Variants in CSNK1A1 observed in about 807,000 individuals in gnomAD.
The protein encoded by CSNK1A1 is casein kinase I isoform alpha.
In CSNK1A1, 7 loss-of-function variants were observed where a neutral mutation model predicts 46.1. That is an observed-to-expected ratio of 0.15 (90% confidence interval 0.09 to 0.29). The LOEUF is 0.29. CSNK1A1 is among the 10% of genes least tolerant of loss of function. CSNK1A1 has a pLI of 1.00. For synonymous variants in CSNK1A1, 137 were observed against 141.5 expected (o/e 0.97, Z 0.23); for missense variants, 96 against 417.1 (o/e 0.23, Z 6.71).
intron 7 of CSNK1A1, among the ~76,000 whole-genome samples, chr5:149,507,700 G>T (rs936520428): frequency 7.2e-5 from 11 of 152,096 alleles, no homozygotes; most frequent in Non-Finnish European, 1.3e-4. Context: ...CCGAGCTCAA[G>T]AGATCTGCCC....
intron 9 of CSNK1A1, chr5:149,497,915 C>T (rs1015136682): frequency 2.5e-6 from 2 of 807,850 alleles, no homozygotes; most frequent in East Asian, 1.2e-4. Flanking sequence ...CTCACCGCAA[C>T]CTCTGCCTCC....
At chr5:149,544,150 T>C (rs115585812) in intron 2 of CSNK1A1, among the ~76,000 whole-genome samples, 94 of 152,316 alleles carry the variant, frequency 6.2e-4, no homozygotes, top group African/African-American at 2.2e-3. Context: ...AATGAGTATT[T>C]AGCTGGCAAA....
At chr5:149,513,783 C>T (rs952666832) in intron 4 of CSNK1A1, among the ~76,000 whole-genome samples, 2 of 151,890 alleles carry the variant, frequency 1.3e-5, no homozygotes, top group African/African-American at 4.8e-5. Flanking sequence ...GCCTGTAGTC[C>T]CAGCTACACA....
intron 2 of CSNK1A1, among the ~76,000 whole-genome samples, chr5:149,536,799 C>A (rs1762074293): frequency 6.6e-6 from 1 of 152,134 alleles, no homozygotes; most frequent in South Asian, 2.1e-4. Context: ...TCCAGTAAAT[C>A]TGCAGTTAGG....
chr5:149,536,213 A>G (rs908108077), intron 2 of CSNK1A1, among the ~76,000 whole-genome samples: 4 of 152,218 alleles, frequency 2.6e-5, no homozygotes, highest in African/African-American at 9.6e-5. Context: ...TCGGCCTCCC[A>G]AAGTGCTAGG....
At chr5:149,538,721 G>C (rs573346265) in intron 2 of CSNK1A1, among the ~76,000 whole-genome samples, 1 of 152,032 alleles carries the variant, frequency 6.6e-6, no homozygotes, top group Non-Finnish European at 1.5e-5. Context: ...CCAGGAGTTC[G>C]AGACCAGCCT....
intron 9 of CSNK1A1, chr5:149,503,226 G>T: frequency 1.0e-6 from 1 of 985,440 alleles, no homozygotes; most frequent in East Asian, 1.1e-4. Flanking sequence ...TGCTGGGCTG[G>T]GGGTAGAAGT....
At chr5:149,503,808 C>T (rs769031106) in intron 9 of CSNK1A1, 1 of 985,314 alleles carries the variant, frequency 1.0e-6, no homozygotes, top group Non-Finnish European at 1.2e-6. Context: ...CTGAAATCTG[C>T]TGAATGCCTG....
chr5:149,534,470 G>A (rs1168753253), intron 2 of CSNK1A1, among the ~76,000 whole-genome samples: 18 of 114,568 alleles, frequency 1.6e-4, no homozygotes, highest in Non-Finnish European at 2.9e-4. Context: ...GCGACAGAGC[G>A]AGACTCTGTC....
At position 149,510,457 on chromosome 5, in the gene CSNK1A1, T is replaced by C. The variant is rs76835344; in HGVS notation, c.676-504A>G. Among the ~76,000 whole-genome samples, 226 of 152,072 alleles carry C rather than the reference T, an allele frequency of 1.5e-3. 4 individuals carry two copies. The East Asian group carries it at 0.039, about 26-fold the overall frequency. ...GCTGAAAAGCATTTTCTTTCCTTTT[T>C]CCTTTTCTTTGTTTTTTTGTTTGTT... On this transcript the variant is annotated intron_variant, in intron 6 of 9. Coordinates refer to ENST00000377843, the MANE Select transcript of CSNK1A1 (RefSeq NM_001892.6).
At position 149,525,233 on chromosome 5, in the gene CSNK1A1, C is replaced by T; in HGVS notation, c.231-62G>A. The T allele has an allele frequency of 6.9e-7, 1 of 1,439,782 alleles. No homozygotes were observed. The highest frequency in any genetic ancestry group is 9.2e-7 in the Non-Finnish European group (1 of 1,082,512). The allele number at this position is 1,439,782 out of a possible 1,614,324, so 89.2% of individuals were successfully genotyped here. ...AAGCTATTACTTAATATCATCAACCCTAAGAATAATATAGTTTTCTTTCAC... is the reference window on the plus strand; with the variant it reads ...AAGCTATTACTTAATATCATCAACCTTAAGAATAATATAGTTTTCTTTCAC... On this transcript the variant is annotated intron_variant, in intron 2 of 9. Transcript: ENST00000377843. This position sits in a 1 kb window ranked among gnomAD's most constrained non-coding sequence, Gnocchi z 4.2.
intron 2 of CSNK1A1, among the ~76,000 whole-genome samples, chr5:149,535,886 T>C (rs1046589436): frequency 1.3e-5 from 2 of 152,048 alleles, no homozygotes; most frequent in Non-Finnish European, 2.9e-5. Flanking sequence ...CCTCAAGTGA[T>C]CCACCCGCCT....
At chr5:149,501,025 T>A (rs761361960) in intron 9 of CSNK1A1, 2 of 985,278 alleles carry the variant, frequency 2.0e-6, no homozygotes, top group Admixed American at 6.1e-5. Flanking sequence ...CTGTTTATAA[T>A]TGATTCTTTC....
intron 9 of CSNK1A1, chr5:149,501,947 G>A (rs1366416497): frequency 8.6e-6 from 8 of 926,234 alleles, no homozygotes; most frequent in African/African-American, 2.1e-5. Context: ...TTATAATCTT[G>A]TAGTAATTGA....
chr5:149,504,937 C>T, intron 9 of CSNK1A1: 1 of 985,556 alleles, frequency 1.0e-6, no homozygotes, highest in Non-Finnish European at 1.2e-6. Context: ...TAATGCCAAA[C>T]TCACCTCTTG....
intron 5 of CSNK1A1, among the ~76,000 whole-genome samples, chr5:149,512,365 G>A (rs1338238524): frequency 1.3e-5 from 2 of 152,026 alleles, no homozygotes; most frequent in Non-Finnish European, 2.9e-5. Flanking sequence ...CAGAAAAAGT[G>A]ACATTACAGT....
At chr5:149,538,922 CA>C (rs5872132) in intron 2 of CSNK1A1, among the ~76,000 whole-genome samples, 84,503 of 131,782 alleles carry the variant, frequency 0.64, 25,499 homozygotes, top group East Asian at 0.9. Context: ...AACTCCGTCT[CA>C]AAAAAAAAAA....
At chr5:149,498,034 G>A in intron 9 of CSNK1A1, 2 of 783,052 alleles carry the variant, frequency 2.6e-6, no homozygotes, top group Non-Finnish European at 3.1e-6. Flanking sequence ...CAGTTTCACT[G>A]TGTTGGCCAG....
rs1762653823 is a variant in CSNK1A1 at position 149,551,336 on chromosome 5, CCT to C, written c.-374_-373del. ...CCGCCGGCTCCGGCCCAGAGGGACC[CCT>C]GTCACTCCGCGGACGACGCCATCTT... is the stretch of plus-strand genomic sequence containing the variant. On this transcript the variant is annotated 5_prime_UTR_variant, in exon 1 of 10. Transcript: ENST00000377843. 1 of 210,298 alleles carries C rather than the reference CCT, an allele frequency of 4.8e-6. No homozygotes were observed. The highest frequency in any genetic ancestry group is 6.3e-5 in the South Asian group (1 of 15,960). The allele number at this position is 210,298 out of a possible 1,614,324, so 13.0% of individuals were successfully genotyped here.
Sources: allele counts gnomAD v4.1 joint callset (sites outside exome capture counted in the v4.1 genomes callset), GRCh38; gene constraint gnomAD v4.1.1; non-coding constraint Gnocchi (gnomAD v3.1); transcripts MANE v1.5; gene names NCBI Gene and HGNC (gene_info 2026-07-23, HGNC 2026-07-21).